Variants in LRRC40 observed in about 807,000 individuals in gnomAD.
The protein encoded by LRRC40 is leucine-rich repeat-containing protein 40.
In LRRC40, 76 loss-of-function variants were observed where a neutral mutation model predicts 72.8. That is an observed-to-expected ratio of 1.04 (90% CI 0.87 to 1.26). The LOEUF is 1.26. LRRC40 is among the 50% of genes most tolerant of loss of function. The pLI is 0.00. For missense variants in LRRC40, 684 were observed against 698.9 expected (o/e 0.98, Z 0.24); for synonymous variants, 243 against 254.2 (o/e 0.96, Z 0.42).
rs747639975 is a variant in LRRC40 at position 70,205,560 on chromosome 1, G to C, written c.-20C>G. 4.4e-6 allele frequency: 7 copies of C among 1,574,104 alleles called. No individual in the cohort carries two copies. The highest frequency in any genetic ancestry group is 2.0e-4 in the Middle Eastern group (1 of 4,962). Reference sequence around the variant, plus strand: ...CGACATGTTCAAAGTCCTAGGTCCAGAAGCTGCAGCCCCACCCGTGACGCT... The same window carrying C: ...CGACATGTTCAAAGTCCTAGGTCCACAAGCTGCAGCCCCACCCGTGACGCT... On this transcript the variant is annotated 5_prime_UTR_variant, in exon 1 of 15. Coordinates refer to ENST00000370952, the MANE Select transcript of LRRC40 (RefSeq NM_017768.5).
chr1:70,163,941 C>A (rs1485933304), intron 9 of LRRC40, among the ~76,000 whole-genome samples: 2 of 152,034 alleles, frequency 1.3e-5, no homozygotes, highest in African/African-American at 4.8e-5. Flanking sequence ...AAACAATAGA[C>A]ATTTATTTCT....
chr1:70,165,097 T>A (rs1233355111), intron 9 of LRRC40, among the ~76,000 whole-genome samples: 1 of 152,116 alleles, frequency 6.6e-6, no homozygotes, highest in African/African-American at 2.4e-5. Context: ...TAACAACACA[T>A]CAATTAAAAT....
chr1:70,191,330 A>G (rs1668495735), intron 1 of LRRC40, among the ~76,000 whole-genome samples: 1 of 152,176 alleles, frequency 6.6e-6, no homozygotes, highest in South Asian at 2.1e-4. Flanking sequence ...TATTAAGGCC[A>G]TTATACCTAA....
rs150410754 is a variant in LRRC40, at chr1:70,178,897, T to C, written c.758A>G (p.Asn253Ser). The C allele has an allele frequency of 3.9e-5, 63 of 1,598,832 alleles. No individual in the cohort carries two copies. The highest frequency in any genetic ancestry group is 1.7e-4 in the Middle Eastern group (1 of 6,032). ...ESLELLYLRR[N>S]KLRFLPEFPS... is the part of the protein sequence containing the mutation. ...AAATTCTGGTAGAAAACGTAATTTA[T>C]TCCTCCGCAAATAAAGCAATTCTAG... The change falls in exon 6 of 15, where the codon AAT becomes AGT. Residue 253 changes from asparagine (N) to serine (S), a missense_variant. Transcript: ENST00000370952.
intron 9 of LRRC40, among the ~76,000 whole-genome samples, chr1:70,172,190 AAC>A (rs1668013309): frequency 6.6e-6 from 1 of 152,136 alleles, no homozygotes; most frequent in Non-Finnish European, 1.5e-5. Context: ...ATCTATGAGA[AAC>A]AGGTCCTTAC....
intron 9 of LRRC40, among the ~76,000 whole-genome samples, chr1:70,160,097 A>AT (rs1667724755): frequency 6.6e-6 from 1 of 152,176 alleles, no homozygotes; most frequent in Admixed American, 6.5e-5. Flanking sequence ...TTAAATACAC[A>AT]TTTTAAAAGA....
At chr1:70,197,451 T>C (rs1668639839) in intron 1 of LRRC40, among the ~76,000 whole-genome samples, 1 of 152,026 alleles carries the variant, frequency 6.6e-6, no homozygotes, top group African/African-American at 2.4e-5. Context: ...CACATCCAGC[T>C]TATTTTTTGT....
chr1:70,190,627 T>C (rs1290841916), intron 1 of LRRC40, among the ~76,000 whole-genome samples: 3 of 130,190 alleles, frequency 2.3e-5, no homozygotes, highest in Non-Finnish European at 4.6e-5. Context: ...TAAGTAACTG[T>C]GATCACGTCA....
intron 1 of LRRC40, among the ~76,000 whole-genome samples, chr1:70,204,089 A>C (rs1326678741): frequency 1.3e-5 from 2 of 152,226 alleles, no homozygotes; most frequent in Non-Finnish European, 2.9e-5. Flanking sequence ...AAGAGTCAGA[A>C]TCCATGTGCT....
In LRRC40 at chr1:70,155,584, A is replaced by G. The variant is rs1039963390; in HGVS notation, c.1328+105T>C. The G allele has an allele frequency of 1.6e-5, 7 of 448,292 alleles. No homozygotes were observed. In the Admixed American group the frequency reaches 2.1e-4, roughly 13 times the overall value. 27.8% of individuals were successfully genotyped at this position (448,292 alleles called of 1,614,324 possible). On this transcript the variant is annotated intron_variant, in intron 11 of 14. Transcript: ENST00000370952. Reference sequence around the variant, plus strand: ...ATTAATAATGTAAAAATTTTTACATATAGTTTTAAATTTAAAAACCAATAT... The same window carrying G: ...ATTAATAATGTAAAAATTTTTACATGTAGTTTTAAATTTAAAAACCAATAT...
At chr1:70,163,376 C>T (rs1378241532) in intron 9 of LRRC40, among the ~76,000 whole-genome samples, 1 of 152,080 alleles carries the variant, frequency 6.6e-6, no homozygotes, top group Admixed American at 6.6e-5. Flanking sequence ...CGTAAGCCAC[C>T]ACCCCCAGCC....
chr1:70,148,466 G>A (rs1244913534), intron 14 of LRRC40, 21 bp downstream of exon 14: 3 of 1,541,210 alleles, frequency 1.9e-6, no homozygotes, highest in African/African-American at 2.7e-5. Context: ...ATGAAACAAT[G>A]CAGTAGAATG....
intron 1 of LRRC40, among the ~76,000 whole-genome samples, chr1:70,197,607 T>G (rs1398263196): frequency 3.3e-5 from 5 of 151,566 alleles, no homozygotes; most frequent in African/African-American, 1.2e-4. Context: ...TTTTTTTTTT[T>G]TAAGCAAACT....
At chr1:70,198,430 T>C (rs558711308) in intron 1 of LRRC40, among the ~76,000 whole-genome samples, 24 of 152,212 alleles carry the variant, frequency 1.6e-4, no homozygotes, top group Non-Finnish European at 2.5e-4. Flanking sequence ...ATTCTTGCAC[T>C]ACTGTTCTAC....
intron 9 of LRRC40, among the ~76,000 whole-genome samples, chr1:70,167,239 A>AAAT (rs943401371): frequency 4.6e-5 from 7 of 151,670 alleles, no homozygotes; most frequent in Non-Finnish European, 1.0e-4. Flanking sequence ...TTAAAAAAAA[A>AAAT]AAAAAAAAGA....
chr1:70,156,381 C>T (rs1301304461), intron 10 of LRRC40, among the ~76,000 whole-genome samples: 1 of 152,060 alleles, frequency 6.6e-6, no homozygotes, highest in Non-Finnish European at 1.5e-5. Flanking sequence ...TGAGATTAAA[C>T]TATTCCTATT....
chr1:70,154,692 T>G (rs1306670427), intron 11 of LRRC40, among the ~76,000 whole-genome samples: 2 of 152,228 alleles, frequency 1.3e-5, no homozygotes, highest in Non-Finnish European at 2.9e-5. Context: ...AAATTTTTGA[T>G]AGTCAGATGA....
intron 1 of LRRC40, among the ~76,000 whole-genome samples, chr1:70,200,424 G>T (rs1257485787): frequency 6.6e-6 from 1 of 151,742 alleles, no homozygotes; most frequent in Non-Finnish European, 1.5e-5. Context: ...TCATGCCACT[G>T]TACTCTAGCC....
chr1:70,156,224 AG>A (rs1434213487), intron 10 of LRRC40, among the ~76,000 whole-genome samples: 2 of 152,242 alleles, frequency 1.3e-5, no homozygotes, highest in East Asian at 3.9e-4. Context: ...AATTTCTACA[AG>A]ATAATAACTT....
Sources: gnomAD v4.1 joint callset for allele counts (sites outside exome capture counted in the v4.1 genomes callset) on GRCh38, gnomAD v4.1.1 for gene constraint, MANE v1.5 for transcripts, NCBI Gene and HGNC (gene_info 2026-07-23, HGNC 2026-07-21) for gene names.